The following IMPG2 variants were observed in gnomAD, a reference collection of about 807,000 sequenced individuals.
IMPG2 encodes the protein IPM 200.
IMPG2 carries 91 observed loss-of-function variants against 129.2 expected under a neutral mutation model. The observed-to-expected ratio is 0.70, with a 90% confidence interval of 0.59 to 0.84. The LOEUF is 0.84. Ranked by LOEUF, IMPG2 falls within the 40% of genes least tolerant of loss-of-function variation. The pLI is 0.00. For missense variants in IMPG2, 1,430 were observed against 1,461.7 expected (o/e 0.98, Z 0.35); for synonymous variants, 510 against 517.7 (o/e 0.99, Z 0.20).
At chr3:101,308,350 G>C (rs973269917) in intron 2 of IMPG2, among the ~76,000 whole-genome samples, 5 of 152,210 alleles carry the variant, frequency 3.3e-5, no homozygotes, top group African/African-American at 1.2e-4. Context: ...CTCCACCCCT[G>C]CAAAAAACTT....
intron 17 of IMPG2, 146 bp from the exon 18 acceptor site, chr3:101,229,022 C>G: frequency 1.5e-6 from 1 of 667,712 alleles, no homozygotes. Context: ...GGAGTGTGCA[C>G]TTTCAGAGAA....
At chr3:101,308,822 C>T (rs946837607) in intron 2 of IMPG2, among the ~76,000 whole-genome samples, 3 of 152,180 alleles carry the variant, frequency 2.0e-5, no homozygotes, top group Non-Finnish European at 4.4e-5. Flanking sequence ...GCTGTGCTTC[C>T]CTTTTAAACA....
At chr3:101,270,797 AAAAAT>A (rs1338917484) in intron 7 of IMPG2, among the ~76,000 whole-genome samples, 1 of 152,138 alleles carries the variant, frequency 6.6e-6, no homozygotes, top group East Asian at 1.9e-4. Flanking sequence ...CCGTCTCAAA[AAAAAT>A]AATAATAATC....
At chr3:101,294,555 A>G (rs758378698) in intron 3 of IMPG2, among the ~76,000 whole-genome samples, 1 of 152,164 alleles carries the variant, frequency 6.6e-6, no homozygotes, top group Non-Finnish European at 1.5e-5. Context: ...ATAAACATAC[A>G]TGTGCATGTG....
intron 2 of IMPG2, among the ~76,000 whole-genome samples, chr3:101,317,633 C>T (rs1468447645): frequency 6.6e-6 from 1 of 152,134 alleles, no homozygotes; most frequent in Admixed American, 6.6e-5. Context: ...TTATTCTTTA[C>T]CATGACCATA....
chr3:101,259,753 T>A (rs749801106), intron 9 of IMPG2, among the ~76,000 whole-genome samples: 3 of 152,046 alleles, frequency 2.0e-5, no homozygotes, highest in Non-Finnish European at 2.9e-5. Flanking sequence ...TATTGGGAGT[T>A]CCTTGTGAAA....
chr3:101,273,138 C>T (rs533560992), intron 7 of IMPG2, among the ~76,000 whole-genome samples: 1 of 152,232 alleles, frequency 6.6e-6, no homozygotes, highest in East Asian at 1.9e-4. Context: ...TTTTATGCTT[C>T]TAAATTTTGT....
At chr3:101,288,892 C>T (rs1706974846) in intron 4 of IMPG2, among the ~76,000 whole-genome samples, 1 of 152,158 alleles carries the variant, frequency 6.6e-6, no homozygotes, top group African/African-American at 2.4e-5. Context: ...ACATATGCTA[C>T]ACTACGAACA....
At chr3:101,256,217 G>GAA (rs140955011) in intron 10 of IMPG2, among the ~76,000 whole-genome samples, 1 of 138,170 alleles carries the variant, frequency 7.2e-6, no homozygotes, top group Non-Finnish European at 1.6e-5. Context: ...AAGAAAGAAA[G>GAA]AAAAAAATAT....
At chr3:101,251,071 A>G (rs1037477011) in intron 11 of IMPG2, among the ~76,000 whole-genome samples, 3 of 152,174 alleles carry the variant, frequency 2.0e-5, no homozygotes, top group African/African-American at 7.2e-5. Context: ...TGCAAATTCC[A>G]AATGTACCTT....
At chr3:101,272,473 T>C (rs899347785) in intron 7 of IMPG2, among the ~76,000 whole-genome samples, 1 of 152,216 alleles carries the variant, frequency 6.6e-6, no homozygotes, top group Non-Finnish European at 1.5e-5. Flanking sequence ...TTGATGAAGA[T>C]ATTTTTCAGA....
intron 3 of IMPG2, among the ~76,000 whole-genome samples, chr3:101,302,923 A>C (rs1707153308): frequency 6.6e-6 from 1 of 152,148 alleles, no homozygotes; most frequent in South Asian, 2.1e-4. Context: ...TTCTCTCCCC[A>C]ACGTCCCCCA....
chr3:101,255,584 C>T (rs1359377432), intron 10 of IMPG2, among the ~76,000 whole-genome samples: 1 of 152,094 alleles, frequency 6.6e-6, no homozygotes, highest in South Asian at 2.1e-4. Flanking sequence ...GTTCTTAACT[C>T]CCTTAGGTCA....
chr3:101,319,957 G>A, intron 1 of IMPG2, 125 bp from the exon 2 acceptor site: 1 of 961,900 alleles, frequency 1.0e-6, no homozygotes, highest in Non-Finnish European at 1.6e-6. Flanking sequence ...TCATAGGCAG[G>A]CATGCATATC....
chr3:101,243,221 C>T (rs1339783845), intron 13 of IMPG2, among the ~76,000 whole-genome samples: 1 of 152,206 alleles, frequency 6.6e-6, no homozygotes, highest in Non-Finnish European at 1.5e-5. Context: ...TAGGTACCCA[C>T]AAAACATTAG....
intron 17 of IMPG2, among the ~76,000 whole-genome samples, 165 bp from the exon 18 acceptor site, chr3:101,229,041 A>T (rs1367839926): frequency 6.6e-6 from 1 of 151,956 alleles, no homozygotes; most frequent in African/African-American, 2.4e-5. Flanking sequence ...AAATGGAAGG[A>T]TCTACATACA....
At chr3:101,254,943 C>T (rs1466771853) in intron 10 of IMPG2, among the ~76,000 whole-genome samples, 1 of 151,966 alleles carries the variant, frequency 6.6e-6, no homozygotes, top group Non-Finnish European at 1.5e-5. Context: ...CTGACTCTCT[C>T]TCTCTCTCAG....
At chr3:101,293,852 A>G (rs1317939050) in intron 3 of IMPG2, among the ~76,000 whole-genome samples, 1 of 152,220 alleles carries the variant, frequency 6.6e-6, no homozygotes, top group East Asian at 1.9e-4. Context: ...AACCTCTGCT[A>G]TCTTCCAACT....
At chr3:101,297,595 T>C (rs1309371582) in intron 3 of IMPG2, among the ~76,000 whole-genome samples, 1 of 152,234 alleles carries the variant, frequency 6.6e-6, no homozygotes, top group Non-Finnish European at 1.5e-5. Context: ...TCTGGTATGT[T>C]GTATCTTTGT....
Sources: gnomAD v4.1 joint callset for allele counts (sites outside exome capture counted in the v4.1 genomes callset) on GRCh38, gnomAD v4.1.1 for gene constraint, MANE v1.5 for transcripts, NCBI Gene and HGNC (gene_info 2026-07-23, HGNC 2026-07-21) for gene names.